Variants in NSG2 observed in about 807,000 individuals in gnomAD.
NSG2 encodes the protein neuronal vesicle trafficking-associated protein 2.
In NSG2, 4 loss-of-function variants were observed where a neutral mutation model predicts 16.9. The ratio of observed to expected loss-of-function variants is 0.24; its 90% confidence interval spans 0.12 to 0.54. NSG2 has a LOEUF of 0.54. NSG2 is among the 20% of genes least tolerant of loss of function. NSG2 has a pLI of 0.95. For missense variants in NSG2, 179 were observed against 221.1 expected (o/e 0.81, Z 1.21); for synonymous variants, 98 against 88.7 (o/e 1.11, Z -0.59).
Position 174,046,730 on chromosome 5 carries a change from T to C in NSG2, c.-22-4T>C. ...TGTAACCAGAATCCCACTGCTTGCCTTAGGTCTGGGAAGAAAGGCGTAAGG... is the reference window on the plus strand; with the variant it reads ...TGTAACCAGAATCCCACTGCTTGCCCTAGGTCTGGGAAGAAAGGCGTAAGG... On this transcript the variant is annotated splice_polypyrimidine_tract_variant and splice_region_variant and intron_variant, in intron 1 of 4. Coordinates refer to ENST00000303177, the MANE Select transcript of NSG2 (RefSeq NM_015980.5). 4 of 1,613,666 alleles carry C rather than the reference T, an allele frequency of 2.5e-6. No homozygotes were observed. The highest frequency in any genetic ancestry group is 3.4e-6 in the Non-Finnish European group (4 of 1,179,904).
chr5:174,096,461 C>T (rs137987933), intron 3 of NSG2, among the ~76,000 whole-genome samples: 318 of 152,112 alleles, frequency 2.1e-3, no homozygotes, highest in African/African-American at 7.5e-3. Flanking sequence ...GTACCTGGAG[C>T]TTGGAGGGCC....
chr5:174,080,201 G>T (rs1450058663), intron 3 of NSG2, among the ~76,000 whole-genome samples: 3 of 151,536 alleles, frequency 2.0e-5, no homozygotes, highest in Admixed American at 6.6e-5. Context: ...TTACAGCTTT[G>T]TTACACATCT....
intron 2 of NSG2, among the ~76,000 whole-genome samples, chr5:174,052,798 G>A (rs999235751): frequency 2.6e-5 from 4 of 152,178 alleles, no homozygotes; most frequent in Non-Finnish European, 5.9e-5. Flanking sequence ...GCCAAGATCT[G>A]CATGCACGTG....
chr5:174,097,781 CAG>C (rs1206561708), intron 3 of NSG2, among the ~76,000 whole-genome samples: 2 of 145,654 alleles, frequency 1.4e-5, no homozygotes, highest in East Asian at 2.1e-4. Flanking sequence ...ACCTTTCTCT[CAG>C]TGTGTGTGTC....
rs144273979 is a variant in NSG2 at position 174,078,616 on chromosome 5, A to G, written c.213+14301A>G. 9.2e-5 allele frequency among the ~76,000 whole-genome samples: 14 copies of G among 152,308 alleles called. No homozygotes were observed. The East Asian group carries it at 2.7e-3, about 29-fold the overall frequency. On this transcript the variant is annotated intron_variant, in intron 3 of 4. Coordinates refer to ENST00000303177, the MANE Select transcript of NSG2 (RefSeq NM_015980.5). Reference sequence around the variant, plus strand: ...TGTTTTCCCACAAATTCCGATGTTGAAATGCTAACCCCCAAGTTCATATTA... The same window carrying G: ...TGTTTTCCCACAAATTCCGATGTTGGAATGCTAACCCCCAAGTTCATATTA...
chr5:174,094,450 C>T (rs1760764700), intron 3 of NSG2, among the ~76,000 whole-genome samples: 1 of 152,100 alleles, frequency 6.6e-6, no homozygotes, highest in Admixed American at 6.5e-5. Context: ...TTTCTGGTCC[C>T]CATTTAACAG....
chr5:174,060,167 T>A (rs925649908), intron 2 of NSG2, among the ~76,000 whole-genome samples: 6 of 152,216 alleles, frequency 3.9e-5, no homozygotes, highest in African/African-American at 1.4e-4. Context: ...ATAAAAATGA[T>A]ATTGCCTGTA....
chr5:174,074,046 C>T (rs138959179), intron 3 of NSG2, among the ~76,000 whole-genome samples: 132 of 152,190 alleles, frequency 8.7e-4, no homozygotes, highest in African/African-American at 3.0e-3. Flanking sequence ...AGTGTTTACA[C>T]CATGGAAATC....
chr5:174,108,668 T>A lies in NSG2; in HGVS notation c.*1163T>A, dbSNP rs2113485385. ...AGAAGCTCCTGACAAGGAGGCAGCATCCAGCCTTGACCAGGCCTCCCAGTT... is the reference window on the plus strand; with the variant it reads ...AGAAGCTCCTGACAAGGAGGCAGCAACCAGCCTTGACCAGGCCTCCCAGTT... On this transcript the variant is annotated 3_prime_UTR_variant, in exon 5 of 5. Transcript: ENST00000303177. 1 of 152,476 alleles carries A rather than the reference T, an allele frequency of 6.6e-6. No homozygotes were observed. The highest frequency in any genetic ancestry group is 6.5e-5 in the Admixed American group (1 of 15,302). 9.4% of individuals were successfully genotyped at this position (152,476 alleles called of 1,614,324 possible). A position where few individuals can be genotyped will look rare whatever the true frequency, so the allele number is the denominator to read the frequency against.
At chr5:174,046,467 T>G (rs1759797927) in intron 1 of NSG2, among the ~76,000 whole-genome samples, 1 of 152,182 alleles carries the variant, frequency 6.6e-6, no homozygotes, top group African/African-American at 2.4e-5. Context: ...CTTATATTTT[T>G]TGTGTGTATA....
At chr5:174,069,598 C>T (rs756772465) in intron 3 of NSG2, among the ~76,000 whole-genome samples, 7 of 152,176 alleles carry the variant, frequency 4.6e-5, no homozygotes, top group Non-Finnish European at 1.0e-4. Flanking sequence ...CTTTGGTGCA[C>T]GCTAGGGGCT....
intron 3 of NSG2, among the ~76,000 whole-genome samples, chr5:174,093,603 C>G (rs1302333675): frequency 6.6e-6 from 1 of 152,192 alleles, no homozygotes; most frequent in African/African-American, 2.4e-5. Context: ...ACTTTCTGCT[C>G]AAGCCCTATT....
At chr5:174,068,370 T>A (rs1760178369) in intron 3 of NSG2, among the ~76,000 whole-genome samples, 1 of 152,170 alleles carries the variant, frequency 6.6e-6, no homozygotes, top group Non-Finnish European at 1.5e-5. Context: ...GCCACAGACT[T>A]GAAATATTTT....
chr5:174,064,447 G>A (rs1581221743), intron 3 of NSG2, 132 bp downstream of exon 3: 1 of 552,882 alleles, frequency 1.8e-6, no homozygotes, highest in Admixed American at 3.2e-5. Context: ...AGGATTTCTT[G>A]AAGCCATACA....
rs193236202 is a variant in NSG2, at chr5:174,076,460, A to G, written c.213+12145A>G. 7.9e-5 allele frequency among the ~76,000 whole-genome samples: 12 copies of G among 152,326 alleles called. No homozygotes were observed. The East Asian group carries it at 2.3e-3, about 29-fold the overall frequency. On this transcript the variant is annotated intron_variant, in intron 3 of 4. Coordinates refer to ENST00000303177, the MANE Select transcript of NSG2 (RefSeq NM_015980.5). ...AAAAAGAGAGACGAAGAGAGAGAGA[A>G]AAAAAGCTAAATATAAATGAATATT... is the stretch of plus-strand genomic sequence containing the variant.
chr5:174,104,415 G>C, intron 4 of NSG2, 77 bp downstream of exon 4: 4 of 1,034,686 alleles, frequency 3.9e-6, no homozygotes, highest in Non-Finnish European at 6.0e-6. Flanking sequence ...CTTCACTGGT[G>C]TCCAAATTCT....
chr5:174,096,852 C>A (rs926856654), intron 3 of NSG2, among the ~76,000 whole-genome samples: 1 of 152,004 alleles, frequency 6.6e-6, no homozygotes, highest in Admixed American at 6.6e-5. Flanking sequence ...CGGTGGGCAG[C>A]GCTGCCTCCT....
At chr5:174,070,173 C>A (rs923037002) in intron 3 of NSG2, among the ~76,000 whole-genome samples, 1 of 152,136 alleles carries the variant, frequency 6.6e-6, no homozygotes, top group Non-Finnish European at 1.5e-5. Flanking sequence ...AGGTGTGAGC[C>A]ATCATGCCCC....
chr5:174,100,392 G>C (rs900437312), intron 3 of NSG2, among the ~76,000 whole-genome samples: 2 of 152,208 alleles, frequency 1.3e-5, no homozygotes, highest in African/African-American at 4.8e-5. Context: ...AATCCCAGGG[G>C]ATTCTAACAT....
Sources: allele counts gnomAD v4.1 joint callset (sites outside exome capture counted in the v4.1 genomes callset), GRCh38; gene constraint gnomAD v4.1.1; transcripts MANE v1.5; gene names NCBI Gene and HGNC (gene_info 2026-07-23, HGNC 2026-07-21).